The following DMD variants were observed in gnomAD, a reference collection of about 807,000 sequenced individuals.
The protein encoded by DMD is mutant dystrophin.
DMD carries 63 observed loss-of-function variants against 330.1 expected under a neutral mutation model. The observed-to-expected ratio is 0.19, with a 90% confidence interval of 0.16 to 0.24. The LOEUF is 0.24. DMD is among the 10% of genes least tolerant of loss of function. The probability of loss-of-function intolerance (pLI) is 1.00; values close to 1 mark genes in which losing one functional copy is unlikely to be tolerated. For missense variants in DMD, 3,344 were observed against 2,684.1 expected (o/e 1.25, Z -5.43); for synonymous variants, 1,223 against 959.8 (o/e 1.27, Z -5.07).
chrX:33,103,714 G>C (rs1199777509), intron 1 of DMD, among the ~76,000 whole-genome samples: 1 of 111,264 alleles, frequency 9.0e-6, no homozygotes, highest in Non-Finnish European at 1.9e-5. Context: ...TCACACGGAC[G>C]CGACTGAAAT....
intron 11 of DMD, among the ~76,000 whole-genome samples, chrX:32,631,579 G>C (rs1476242733): frequency 8.9e-6 from 1 of 111,779 alleles, no homozygotes; most frequent in Non-Finnish European, 1.9e-5. Context: ...GGTTGTCCCT[G>C]AGACATGATG....
At chrX:32,739,555 T>G (rs768723038) in intron 7 of DMD, among the ~76,000 whole-genome samples, 3 of 111,715 alleles carry the variant, frequency 2.7e-5, no homozygotes, top group African/African-American at 9.7e-5. Context: ...GGAAAGATAT[T>G]TTAATTAAAT....
At chrX:33,304,614 T>A (rs1307248628) in intron 1 of DMD, among the ~76,000 whole-genome samples, 1 of 108,128 alleles carries the variant, frequency 9.2e-6, no homozygotes, top group Non-Finnish European at 1.9e-5. Flanking sequence ...GAAACTACCA[T>A]CAGAGTGAAC....
At chrX:32,838,537 G>A (rs1396838275) in intron 4 of DMD, among the ~76,000 whole-genome samples, 6 of 111,414 alleles carry the variant, frequency 5.4e-5, no homozygotes, top group Non-Finnish European at 9.4e-5. Flanking sequence ...GAGAATGATG[G>A]TTTCCAGCTT....
intron 7 of DMD, among the ~76,000 whole-genome samples, chrX:32,753,754 T>C (rs1028713131): frequency 1.2e-4 from 13 of 112,383 alleles, no homozygotes; most frequent in Admixed American, 1.9e-4. Flanking sequence ...ATATTTATAA[T>C]ACAATGTTAG....
At chrX:31,459,018 G>A (rs1369473713) in intron 59 of DMD, among the ~76,000 whole-genome samples, 2 of 111,630 alleles carry the variant, frequency 1.8e-5, no homozygotes, top group Non-Finnish European at 3.8e-5. Context: ...AAGTCACCCT[G>A]ATATTGGATA....
intron 1 of DMD, among the ~76,000 whole-genome samples, chrX:33,097,563 T>A (rs1460779043): frequency 1.8e-5 from 2 of 109,603 alleles, no homozygotes; most frequent in Non-Finnish European, 3.8e-5. Flanking sequence ...ACCTTTACTG[T>A]CTTCTAACGA....
rs570889447 is a variant in DMD at position 32,418,891 on chromosome X, T to C, written c.4072-6978A>G. ...AGGAGGCTGAGGCAGGAGAATGGTGTGAACCCGGGAGGTAGAGCTGGCAGT... is the reference window on the plus strand; with the variant it reads ...AGGAGGCTGAGGCAGGAGAATGGTGCGAACCCGGGAGGTAGAGCTGGCAGT... On this transcript the variant is annotated intron_variant, in intron 29 of 78. Coordinates refer to ENST00000357033, the MANE Select transcript of DMD (RefSeq NM_004006.3). Among the ~76,000 whole-genome samples, 28 of 98,444 alleles carry C rather than the reference T, an allele frequency of 2.8e-4. No homozygotes were observed. The South Asian group carries it at 9.4e-3, about 33-fold the overall frequency. The allele number at this position is 98,444 out of a possible 115,157, so 85.5% of individuals were successfully genotyped here.
chrX:32,257,983 C>A (rs771299033), intron 43 of DMD, among the ~76,000 whole-genome samples: 26 of 102,102 alleles, frequency 2.5e-4, no homozygotes, highest in Admixed American at 1.1e-3. Context: ...AAAAAAAAAA[C>A]CCATCAGAAA....
intron 74 of DMD, among the ~76,000 whole-genome samples, chrX:31,149,577 G>T (rs1362369638): frequency 1.8e-5 from 2 of 112,174 alleles, no homozygotes; most frequent in Non-Finnish European, 3.8e-5. Flanking sequence ...ATCCAAGAAT[G>T]CAGTGAAGCT....
At chrX:32,524,250 A>G (rs1291484682) in intron 17 of DMD, among the ~76,000 whole-genome samples, 1 of 111,932 alleles carries the variant, frequency 8.9e-6, no homozygotes, top group Non-Finnish European at 1.9e-5. Context: ...GAAATCTTGT[A>G]ACACTTTTAG....
At chrX:32,727,133 A>G (rs2066978749) in intron 7 of DMD, among the ~76,000 whole-genome samples, 1 of 111,316 alleles carries the variant, frequency 9.0e-6, no homozygotes, top group Admixed American at 9.6e-5. Context: ...ATTATAATAG[A>G]CTAGCAAAAA....
chrX:31,347,030 A>AAAAAAAAAAAAAAAAAAC (rs2058126565), intron 61 of DMD, among the ~76,000 whole-genome samples: 1 of 73,032 alleles, frequency 1.4e-5, no homozygotes, highest in Admixed American at 1.5e-4. Context: ...AAAAAAAAAA[A>AAAAAAAAAAAAAAAAAAC]AAAAAAGGAA....
intron 12 of DMD, among the ~76,000 whole-genome samples, chrX:32,596,378 A>T (rs748846791): frequency 1.8e-5 from 2 of 110,074 alleles, no homozygotes; most frequent in African/African-American, 6.6e-5. Context: ...CCACTAACCC[A>T]TTGAAATATC....
At chrX:32,577,781 A>G (rs1342518786) in intron 13 of DMD, among the ~76,000 whole-genome samples, 2 of 112,438 alleles carry the variant, frequency 1.8e-5, no homozygotes, top group Admixed American at 9.4e-5. Context: ...TACTCAATGA[A>G]TTGAATCTAA....
At chrX:32,888,921 T>A (rs1603458502) in intron 2 of DMD, among the ~76,000 whole-genome samples, 1 of 101,461 alleles carries the variant, frequency 9.9e-6, no homozygotes, top group Non-Finnish European at 1.9e-5. Flanking sequence ...AAAATTATAA[T>A]TTTTTTTTTT....
chrX:32,708,632 C>T (rs2064902670), intron 7 of DMD, among the ~76,000 whole-genome samples: 4 of 111,526 alleles, frequency 3.6e-5, no homozygotes, highest in East Asian at 5.6e-4. Flanking sequence ...GGAATGCCTA[C>T]CATGTGTCAG....
At chrX:32,952,405 T>C (rs1402542505) in intron 2 of DMD, among the ~76,000 whole-genome samples, 2 of 111,584 alleles carry the variant, frequency 1.8e-5, no homozygotes, top group Non-Finnish European at 3.8e-5. Flanking sequence ...GTGCTGGGAT[T>C]ACAGGCCTGA....
At chrX:32,176,630 G>C (rs977227562) in intron 44 of DMD, among the ~76,000 whole-genome samples, 2 of 111,589 alleles carry the variant, frequency 1.8e-5, no homozygotes, top group Middle Eastern at 4.6e-3. Context: ...CATTTTAGCT[G>C]AGTATAGAAA....
Sources: gnomAD v4.1 joint callset for allele counts (sites outside exome capture counted in the v4.1 genomes callset) on GRCh38, gnomAD v4.1.1 for gene constraint, MANE v1.5 for transcripts, NCBI Gene and HGNC (gene_info 2026-07-23, HGNC 2026-07-21) for gene names.